Variants in DIAPH1 observed in about 807,000 individuals in gnomAD.
The protein encoded by DIAPH1 is diaphanous related formin 1.
In DIAPH1, 46 loss-of-function variants were observed where a neutral mutation model predicts 140.7. That is an observed-to-expected ratio of 0.33 (90% confidence interval 0.26 to 0.42). The LOEUF is 0.42. Ranked by LOEUF, DIAPH1 falls within the 10% of genes least tolerant of loss-of-function variation. DIAPH1 has a pLI of 1.00. For synonymous variants in DIAPH1, 565 were observed against 551.6 expected, an observed-to-expected ratio of 1.02 and a Z score of -0.34; for missense variants, 1,310 against 1,558.7, an observed-to-expected ratio of 0.84 and a Z score of 2.69.
chr5:141,529,477 G>T, intron 20 of DIAPH1, 126 bp downstream of exon 20: 1 of 1,010,298 alleles, frequency 9.9e-7, no homozygotes, highest in Non-Finnish European at 1.6e-6. Flanking sequence ...AGAAAAGGCA[G>T]TTTCTCAAAG....
chr5:141,578,544 T>C lies in DIAPH1; in HGVS notation c.1015A>G (p.Met339Val), dbSNP rs374115798. 53 of 1,613,798 alleles carry C rather than the reference T, an allele frequency of 3.3e-5. No individual in the cohort carries two copies. The highest frequency in any genetic ancestry group is 4.5e-5 in the Non-Finnish European group (53 of 1,179,860). ...DFRVHIRSEL[M>V]RLGLHQVLQD... Reference sequence around the variant, plus strand: ...AACACCTGATGTAGCCCCAAACGCATCAGTTCACTTCTGATGTGAACTCGG... The same window carrying C: ...AACACCTGATGTAGCCCCAAACGCACCAGTTCACTTCTGATGTGAACTCGG... Residue 339 changes from methionine to valine, a missense_variant, in exon 10 of 28, where the codon ATG becomes GTG. Coordinates refer to ENST00000389054, the MANE Select transcript of DIAPH1 (RefSeq NM_005219.5).
At chr5:141,602,059 G>A (rs2099900219) in intron 1 of DIAPH1, among the ~76,000 whole-genome samples, 1 of 152,186 alleles carries the variant, frequency 6.6e-6, no homozygotes, top group Non-Finnish European at 1.5e-5. Context: ...TAAGGCATAT[G>A]TCACTTAGAA....
rs560824183 is a variant in DIAPH1, at chr5:141,517,024, A to G, written c.3662-16T>C. On this transcript the variant is annotated splice_polypyrimidine_tract_variant and intron_variant, in intron 27 of 27. Transcript: ENST00000389054. ...TTCCTGTTGGCTGCAAGAGAAGACGAGAGATTCTGTCTATGGAAGGCCTCA... is the reference window on the plus strand; with the variant it reads ...TTCCTGTTGGCTGCAAGAGAAGACGGGAGATTCTGTCTATGGAAGGCCTCA... 3 of 1,614,082 alleles carry G rather than the reference A, an allele frequency of 1.9e-6. No individual in the cohort carries two copies. Among genetic ancestry groups the G allele is most frequent in the South Asian group, 2.2e-5 (2 of 91,074 alleles).
chr5:141,612,650 G>C lies in DIAPH1; in HGVS notation c.117+6148C>G, dbSNP rs1455776342. On this transcript the variant is annotated intron_variant, in intron 1 of 27. Transcript: ENST00000389054. ...GAGATGGGAGGACGAGGATGGGTGAGAGGGAGGGATAACAAAGAGAGAAGG... is the reference window on the plus strand; with the variant it reads ...GAGATGGGAGGACGAGGATGGGTGACAGGGAGGGATAACAAAGAGAGAAGG... 2.0e-5 allele frequency among the ~76,000 whole-genome samples: 3 copies of C among 152,232 alleles called. No homozygotes were observed. The East Asian group carries it at 5.8e-4, about 29-fold the overall frequency.
At chr5:141,572,160 T>G (rs2099895285) in intron 16 of DIAPH1, 120 bp from the exon 17 acceptor site, 1 of 734,694 alleles carries the variant, frequency 1.4e-6, no homozygotes, top group East Asian at 2.6e-5. Flanking sequence ...CTTACTAGAA[T>G]AAGACTAACT....
At chr5:141,604,739 A>G (rs569340215) in intron 1 of DIAPH1, among the ~76,000 whole-genome samples, 2 of 152,340 alleles carry the variant, frequency 1.3e-5, no homozygotes, top group East Asian at 3.9e-4. Flanking sequence ...ATACCCAGAA[A>G]TAATCCTACC....
chr5:141,524,484 C>T, intron 26 of DIAPH1: 2 of 522,008 alleles, frequency 3.8e-6, no homozygotes, highest in East Asian at 3.6e-5. Context: ...TCCCGCAATG[C>T]CATCCTCCCC....
intron 18 of DIAPH1, among the ~76,000 whole-genome samples, chr5:141,556,683 TTTTA>T (rs567384221): frequency 2.0e-4 from 30 of 152,144 alleles, no homozygotes; most frequent in Middle Eastern, 3.4e-3. Flanking sequence ...GAGATCTTCT[TTTTA>T]TTTATTTATT....
chr5:141,579,043 A>G, intron 9 of DIAPH1, 45 bp downstream of exon 9: 1 of 1,370,768 alleles, frequency 7.3e-7, no homozygotes, highest in Non-Finnish European at 1.0e-6. Context: ...AAGTCTGTCC[A>G]TCTTGAATTC....
intron 18 of DIAPH1, among the ~76,000 whole-genome samples, chr5:141,562,619 A>C (rs1373886531): frequency 8.2e-5 from 10 of 122,320 alleles, no homozygotes; most frequent in South Asian, 2.8e-4. Context: ...AAAAAAAAAA[A>C]CAAACAAAAA....
rs727502964 is a variant in DIAPH1 at position 141,588,240 on chromosome 5, C to A, written c.128G>T (p.Arg43Leu). Residue 43 changes from arginine (R) to leucine (L), a missense_variant, in exon 2 of 28, where the codon CGG becomes CTG. This residue lies in a region of DIAPH1 where 377 missense variants were observed against 497.1 expected (regional missense o/e 0.76). Transcript: ENST00000389054. The stretch of plus-strand genomic sequence containing the variant: ...TGTCCTTACCTCATCTGCCATGAGC[C>A]GCTTCAGAGTCTAGGAAACAGGAAA... Reference protein sequence around the residue: ...GGKSKKFTLKRLMADELERFT... With the variant: ...GGKSKKFTLKLLMADELERFT... 1 of 1,612,312 alleles carries A rather than the reference C, an allele frequency of 6.2e-7. No homozygotes were observed. The highest frequency in any genetic ancestry group is 1.1e-5 in the South Asian group (1 of 91,002).
At chr5:141,577,313 T>C (rs1260498735) in intron 12 of DIAPH1, among the ~76,000 whole-genome samples, 162 bp downstream of exon 12, 2 of 152,236 alleles carry the variant, frequency 1.3e-5, no homozygotes, top group Admixed American at 6.5e-5. Flanking sequence ...TTGAGTTGGA[T>C]TAAAGAAATA....
chr5:141,518,851 C>A, intron 27 of DIAPH1: 1 of 1,255,096 alleles, frequency 8.0e-7, no homozygotes, highest in Admixed American at 2.0e-5. Flanking sequence ...GGTCTTCTCT[C>A]CCTGCAGAGC....
chr5:141,600,701 C>A (rs1300788347), intron 1 of DIAPH1, among the ~76,000 whole-genome samples: 5 of 152,160 alleles, frequency 3.3e-5, no homozygotes, highest in African/African-American at 4.8e-5. Context: ...GGTGAGAGAT[C>A]ATTCTGTAAA....
In DIAPH1 at chr5:141,527,623, T is replaced by G. The variant is rs2099887569; in HGVS notation, c.3223A>C (p.Asn1075His). The change falls in exon 24 of 28, where the codon AAT (asparagine) becomes CAT (histidine). Residue 1075 changes from asparagine (N) to histidine (H), a missense_variant. Physicochemically the swap from Asn to His is moderately conservative, Grantham distance 68. This residue lies in a region of DIAPH1 where 344 missense variants were observed against 512.2 expected (regional missense o/e 0.67). Transcript: ENST00000389054. Reference protein sequence around the residue: ...QISDVERDVQNFPAATDEKDK... With the variant: ...QISDVERDVQHFPAATDEKDK... ...TTTTCATCTGTGGCAGCTGGGAAAT[T>G]CTGAACATCACGTTCCACATCAGAA... is the stretch of plus-strand genomic sequence containing the variant. 1.2e-6 allele frequency: 2 copies of G among 1,612,632 alleles called. No individual in the cohort carries two copies. The highest frequency in any genetic ancestry group is 3.3e-5 in the Admixed American group (2 of 59,840).
At chr5:141,591,360 G>T (rs2099898371) in intron 1 of DIAPH1, among the ~76,000 whole-genome samples, 1 of 151,854 alleles carries the variant, frequency 6.6e-6, no homozygotes, top group East Asian at 1.9e-4. Flanking sequence ...CCCATTTCCA[G>T]ACTAAGTTAC....
At chr5:141,556,608 AAAG>A (rs767775272) in intron 18 of DIAPH1, among the ~76,000 whole-genome samples, 2 of 152,186 alleles carry the variant, frequency 1.3e-5, no homozygotes, top group East Asian at 3.8e-4. Context: ...GGGAAATCCT[AAAG>A]AAGAGGCTCT....
At chr5:141,560,751 A>C (rs531557657) in intron 18 of DIAPH1, 1 of 416,230 alleles carries the variant, frequency 2.4e-6, no homozygotes, top group East Asian at 7.2e-5. Flanking sequence ...GGATTCTAGA[A>C]ATATTCTGTT....
At chr5:141,597,603 G>A (rs1393462273) in intron 1 of DIAPH1, among the ~76,000 whole-genome samples, 6 of 152,246 alleles carry the variant, frequency 3.9e-5, no homozygotes, top group South Asian at 2.1e-4. Flanking sequence ...AGGAAATCCC[G>A]GGGATAAAGG....
Sources: allele counts gnomAD v4.1 joint callset (sites outside exome capture counted in the v4.1 genomes callset), GRCh38; gene constraint gnomAD v4.1.1; regional missense constraint gnomAD v4.1.1; transcripts MANE v1.5; gene names NCBI Gene and HGNC (gene_info 2026-07-23, HGNC 2026-07-21).